CSF2RA: variants seen among roughly 807,000 people sequenced by gnomAD.
CSF2RA encodes the protein colony stimulating factor 2 receptor subunit alpha, also known as granulocyte-macrophage colony-stimulating factor receptor subunit alpha.
A neutral mutation model predicts 51.6 loss-of-function variants in CSF2RA; 42 were observed. The observed-to-expected ratio is 0.81, with a 90% CI of 0.64 to 1.05. The LOEUF (loss-of-function observed/expected upper bound fraction) is 1.05, where lower values mean the gene tolerates loss of function less well. Ranked by LOEUF, CSF2RA falls within the 50% of genes least tolerant of loss-of-function variation. The probability of loss-of-function intolerance (pLI) is 0.00; values close to 1 mark genes in which losing one functional copy is unlikely to be tolerated. For missense variants in CSF2RA, 530 were observed against 501.1 expected (o/e 1.06, Z -0.55); for synonymous variants, 222 against 193.0 (o/e 1.15, Z -1.24).
At chrX:1,320,664 A>ATTTTTT in the CSF2RA span, among the ~76,000 whole-genome samples, 5 of 123,376 alleles carry the variant, frequency 4.1e-5, no homozygotes, top group Admixed American at 1.7e-4. Flanking sequence ...TGCCCAGCTA[A>ATTTTTT]TTTTTTTTTT....
Position 1,282,695 on chromosome X carries a change from A to C in CSF2RA, c.-9A>C, listed in dbSNP as rs1225660824. The C allele has an allele frequency of 2.5e-6, 4 of 1,611,802 alleles. No individual in the cohort carries two copies. In the African/African-American group the frequency reaches 4.0e-5, roughly 16 times the overall value. On this transcript the variant is annotated 5_prime_UTR_variant, in exon 3 of 13. Transcript: ENST00000381529. ...TCCTGCAGCTCTTCCCTTCTCTCTG[A>C]CCAGCACCATGCTTCTCCTGGTGAC...
intron 1 of CSF2RA, among the ~76,000 whole-genome samples, chrX:1,271,941 G>A (rs749035394): frequency 6.6e-6 from 1 of 151,296 alleles, no homozygotes; most frequent in African/African-American, 2.4e-5. Context: ...TAAGAGAAAA[G>A]ACATGCACTT....
chrX:1,312,043 A>G (rs1389547845), downstream of CSF2RA, among the ~76,000 whole-genome samples: 1 of 150,830 alleles, frequency 6.6e-6, no homozygotes, highest in Non-Finnish European at 1.5e-5. Context: ...TACAACCTCC[A>G]CCTCCCGGGT....
chrX:1,276,523 G>A (rs1396369726), intron 2 of CSF2RA, among the ~76,000 whole-genome samples: 1 of 151,540 alleles, frequency 6.6e-6, no homozygotes, highest in East Asian at 2.0e-4. Context: ...ACAGGCGCCC[G>A]CCATCACACC....
At chrX:1,287,453 TTA>T (rs1313519161) in intron 4 of CSF2RA, among the ~76,000 whole-genome samples, 5 of 145,392 alleles carry the variant, frequency 3.4e-5, no homozygotes, top group African/African-American at 1.0e-4. Flanking sequence ...TGTCCGACCT[TTA>T]TTTTTTGGGA....
chrX:1,295,506 T>C, intron 9 of CSF2RA, 50 bp downstream of exon 9: 1 of 1,558,090 alleles, frequency 6.4e-7, no homozygotes, highest in Non-Finnish European at 8.7e-7. Flanking sequence ...AACCCTACGG[T>C]CCCCTACTCA....
At chrX:1,288,964 T>C in intron 6 of CSF2RA, 76 bp downstream of exon 6, 3 of 1,594,584 alleles carry the variant, frequency 1.9e-6, no homozygotes, top group Non-Finnish European at 2.6e-6. Flanking sequence ...TTTCTTTTTT[T>C]CCTTTTTCTT....
intron 10 of CSF2RA, among the ~76,000 whole-genome samples, chrX:1,302,501 G>C (rs1288684152): frequency 6.6e-6 from 1 of 151,864 alleles, no homozygotes; most frequent in Non-Finnish European, 1.5e-5. Flanking sequence ...AATTTTTTTT[G>C]TTTATTTATT....
At chrX:1,275,093 A>AG (rs1234519805) in intron 2 of CSF2RA, among the ~76,000 whole-genome samples, 15 of 151,142 alleles carry the variant, frequency 9.9e-5, no homozygotes, top group South Asian at 8.4e-4. Flanking sequence ...CCTGTCAAAA[A>AG]AAAAAAAAAA....
chrX:1,293,977 A>T (rs2091663413), intron 7 of CSF2RA: 1 of 278,572 alleles, frequency 3.6e-6, no homozygotes, highest in South Asian at 3.3e-5. Context: ...ATCTACCTGG[A>T]CCCAGTGTAG....
At position 1,268,843 on chromosome X, in the gene CSF2RA, A is replaced by G. The variant is rs2087948036; in HGVS notation, c.-127A>G. On this transcript the variant is annotated 5_prime_UTR_variant, in exon 1 of 13. Coordinates refer to ENST00000381529, the MANE Select transcript of CSF2RA (RefSeq NM_172245.4). Reference sequence around the variant, plus strand: ...AGAAGCGGGAGTCTCCGAGAGAAGAAAAGCAGGTGGAAGGAGAGGAAGCGG... The same window carrying G: ...AGAAGCGGGAGTCTCCGAGAGAAGAGAAGCAGGTGGAAGGAGAGGAAGCGG... 4.4e-6 allele frequency: 2 copies of G among 454,110 alleles called. No individual in the cohort carries two copies. Among genetic ancestry groups the G allele is most frequent in the Non-Finnish European group, 8.8e-6 (2 of 226,770 alleles). The allele number at this position is 454,110 out of a possible 1,614,324, so 28.1% of individuals were successfully genotyped here.
At chrX:1,295,279 C>T (rs1274328447) in intron 8 of CSF2RA, 148 bp from the exon 9 acceptor site, 17 of 921,364 alleles carry the variant, frequency 1.8e-5, no homozygotes, top group Middle Eastern at 2.1e-4. Context: ...CTTGTAGATT[C>T]GGGGTTTGTG....
At chrX:1,287,241 C>A (rs1444706955) in intron 4 of CSF2RA, 1 of 150,764 alleles carries the variant, frequency 6.6e-6, no homozygotes, top group African/African-American at 2.5e-5. Context: ...GCAACCTCCA[C>A]CTCCTGGGTT....
intron 1 of CSF2RA, among the ~76,000 whole-genome samples, chrX:1,271,075 C>T (rs2088336328): frequency 1.3e-5 from 2 of 151,918 alleles, no homozygotes; most frequent in African/African-American, 4.8e-5. Flanking sequence ...AGAAATGAAG[C>T]ATCTTAAGTT....
At chrX:1,295,276 A>G in intron 8 of CSF2RA, 151 bp from the exon 9 acceptor site, 1 of 909,192 alleles carries the variant, frequency 1.1e-6, no homozygotes, top group Non-Finnish European at 1.9e-6. Context: ...TGTCTTGTAG[A>G]TTCGGGGTTT....
At chrX:1,322,608 G>A in the CSF2RA span, among the ~76,000 whole-genome samples, 52 of 151,496 alleles carry the variant, frequency 3.4e-4, no homozygotes, top group African/African-American at 1.2e-3. Context: ...TTGTGGTCAC[G>A]CGGCAGCTCT....
At chrX:1,300,912 G>C (rs2092322634) in intron 10 of CSF2RA, among the ~76,000 whole-genome samples, 1 of 152,146 alleles carries the variant, frequency 6.6e-6, no homozygotes, top group Non-Finnish European at 1.5e-5. Context: ...CCAGCAATTT[G>C]GGAGGCTGAG....
At chrX:1,312,457 C>T (rs1386101575), downstream of CSF2RA, among the ~76,000 whole-genome samples, 1 of 152,022 alleles carries the variant, frequency 6.6e-6, no homozygotes, top group Non-Finnish European at 1.5e-5. Context: ...ATTCTGTCTC[C>T]CACATGGAAT....
chrX:1,323,955 G>A, the CSF2RA span, among the ~76,000 whole-genome samples: 12 of 151,926 alleles, frequency 7.9e-5, no homozygotes, highest in Admixed American at 3.9e-4. Flanking sequence ...CCGAGGTTGT[G>A]GTGAGCCAAG....
Sources: allele counts gnomAD v4.1 joint callset (sites outside exome capture counted in the v4.1 genomes callset), GRCh38; gene constraint gnomAD v4.1.1; transcripts MANE v1.5; gene names NCBI Gene and HGNC (gene_info 2026-07-23, HGNC 2026-07-21).